The following FOXP1 variants were observed in gnomAD, a reference collection of about 807,000 sequenced individuals.
FOXP1 encodes the protein forkhead box protein P1.
Under a neutral mutation model 98.2 loss-of-function variants are expected in FOXP1, and 15 were observed. The observed-to-expected ratio is 0.15, with a 90% CI of 0.10 to 0.24. FOXP1 has a LOEUF of 0.24. FOXP1 is among the 10% of genes least tolerant of loss of function. The probability of loss-of-function intolerance (pLI) is 1.00; values close to 1 mark genes in which losing one functional copy is unlikely to be tolerated. For missense variants in FOXP1, 633 were observed against 848.5 expected (o/e 0.75, Z 3.15); for synonymous variants, 371 against 314.5 (o/e 1.18, Z -1.90).
At chr3:71,571,049 T>A (rs1048986666) in intron 2 of FOXP1, 1 of 152,248 alleles carries the variant, frequency 6.6e-6, no homozygotes, top group Non-Finnish European at 1.5e-5. Context: ...TGCTAATTAT[T>A]CTTTTATTTT....
intron 3 of FOXP1, among the ~76,000 whole-genome samples, chr3:71,457,414 C>G (rs1474362383): frequency 6.6e-6 from 1 of 152,184 alleles, no homozygotes; most frequent in Non-Finnish European, 1.5e-5. Context: ...AACAAATCCT[C>G]TCTTTCTGCC....
Position 71,053,652 on chromosome 3 carries a change from G to A in FOXP1, c.404C>T (p.Ala135Val), listed in dbSNP as rs1442509485. The part of the protein sequence containing the change: ...QLQVLLQQQQ[A>V]LMLQQQQLQE... ...GACAATTACCTGTTGAAGCATGAGG[G>A]CCTGCTGCTGCTGGAGGAGAACCTG... is the stretch of plus-strand genomic sequence containing the variant. The change falls in exon 8 of 21, where the codon GCC becomes GTC. Residue 135 changes from alanine (A) to valine (V), a missense_variant. This residue lies in a region of FOXP1 where 210 missense variants were observed against 270.6 expected (regional missense o/e 0.78). Transcript: ENST00000649528. 1 of 1,614,100 alleles carries A rather than the reference G, an allele frequency of 6.2e-7. No homozygotes were observed. The highest frequency in any genetic ancestry group is 8.5e-7 in the Non-Finnish European group (1 of 1,180,004).
intron 5 of FOXP1, among the ~76,000 whole-genome samples, chr3:71,284,193 G>A (rs2071862403): frequency 1.3e-5 from 2 of 152,144 alleles, no homozygotes; most frequent in South Asian, 4.1e-4. Flanking sequence ...CAAGACACAT[G>A]GAGAACTTGT....
intron 7 of FOXP1, among the ~76,000 whole-genome samples, chr3:71,087,194 C>T (rs1480475319): frequency 6.6e-6 from 1 of 152,188 alleles, no homozygotes; most frequent in African/African-American, 2.4e-5. Context: ...AAGAGGTGAG[C>T]TGCACAACTG....
At chr3:70,981,380 A>G (rs2038834805) in intron 14 of FOXP1, among the ~76,000 whole-genome samples, 1 of 152,102 alleles carries the variant, frequency 6.6e-6, no homozygotes, top group South Asian at 2.1e-4. Context: ...TGACACCGTG[A>G]TTCACACCCA....
chr3:71,023,269 T>G (rs1445163173), intron 11 of FOXP1, among the ~76,000 whole-genome samples: 2 of 152,230 alleles, frequency 1.3e-5, no homozygotes, highest in Admixed American at 1.3e-4. Flanking sequence ...CATGTCCATG[T>G]GCACAACTTT....
chr3:71,244,258 A>T (rs748694651), intron 5 of FOXP1, among the ~76,000 whole-genome samples: 5 of 152,180 alleles, frequency 3.3e-5, no homozygotes, highest in Non-Finnish European at 7.3e-5. Context: ...TTGCATAAAA[A>T]TAAACTCCAC....
intron 9 of FOXP1, among the ~76,000 whole-genome samples, chr3:71,048,397 G>A (rs2049336951): frequency 1.3e-5 from 2 of 152,062 alleles, no homozygotes; most frequent in African/African-American, 4.8e-5. Flanking sequence ...AGAGAAAAAT[G>A]GTGGTTTCCT....
At chr3:71,373,197 T>C (rs372249602) in intron 3 of FOXP1, among the ~76,000 whole-genome samples, 1 of 152,194 alleles carries the variant, frequency 6.6e-6, no homozygotes. Flanking sequence ...ATTATGTCAT[T>C]GTGTATATTC....
At chr3:70,959,635 A>T (rs1210436829) in intron 20 of FOXP1, among the ~76,000 whole-genome samples, 13 of 152,166 alleles carry the variant, frequency 8.5e-5, no homozygotes, top group Admixed American at 8.5e-4. Flanking sequence ...CTAGCGGTTA[A>T]TTCTGGCCAG....
intron 2 of FOXP1, among the ~76,000 whole-genome samples, chr3:71,558,614 C>A (rs995497579): frequency 5.9e-5 from 9 of 151,750 alleles, no homozygotes; most frequent in African/African-American, 2.2e-4. Flanking sequence ...CCTGCCTCAG[C>A]CTCACAAGTA....
At chr3:71,387,858 T>C (rs1007640194) in intron 3 of FOXP1, among the ~76,000 whole-genome samples, 4 of 152,214 alleles carry the variant, frequency 2.6e-5, no homozygotes, top group African/African-American at 7.2e-5. Flanking sequence ...TCTCTGTTAT[T>C]GAAAAAAAGT....
chr3:71,230,330 C>G (rs968106517), intron 5 of FOXP1, among the ~76,000 whole-genome samples: 1 of 152,162 alleles, frequency 6.6e-6, no homozygotes, highest in Non-Finnish European at 1.5e-5. Context: ...GCATGTGGTG[C>G]TCCTGACTTC....
chr3:71,583,807 T>TGGCGGC (rs535627863), upstream of FOXP1: 35 of 986,568 alleles, frequency 3.5e-5, no homozygotes, highest in African/African-American at 1.4e-4. Context: ...CCAGCGCCGG[T>TGGCGGC]GGCGGCGGCG....
At chr3:71,427,674 G>C (rs6549389) in intron 3 of FOXP1, among the ~76,000 whole-genome samples, 97,938 of 152,080 alleles carry the variant, frequency 0.64, 32,902 homozygotes, top group Non-Finnish European at 0.73. Flanking sequence ...AGATGCTCAG[G>C]AAGGAGAATG....
intron 3 of FOXP1, among the ~76,000 whole-genome samples, chr3:71,386,402 A>G (rs2080575075): frequency 6.6e-6 from 1 of 152,148 alleles, no homozygotes; most frequent in Admixed American, 6.5e-5. Flanking sequence ...GTAAGATCAC[A>G]TGACTTTTCC....
chr3:71,112,845 T>G (rs1459209290), intron 6 of FOXP1, among the ~76,000 whole-genome samples: 4 of 152,162 alleles, frequency 2.6e-5, no homozygotes, highest in Non-Finnish European at 5.9e-5. Flanking sequence ...GCCAGTTTCA[T>G]CCACGGTTCC....
chr3:71,338,552 C>T (rs1351596972), intron 4 of FOXP1, among the ~76,000 whole-genome samples: 1 of 152,140 alleles, frequency 6.6e-6, no homozygotes, highest in African/African-American at 2.4e-5. Context: ...CCCAGCCTCC[C>T]AAGTAGCTGG....
At chr3:71,421,204 C>T (rs143390010) in intron 3 of FOXP1, among the ~76,000 whole-genome samples, 1 of 152,032 alleles carries the variant, frequency 6.6e-6, no homozygotes, top group East Asian at 1.9e-4. Flanking sequence ...TTGGGAAAAA[C>T]CAAGTAAGAA....
Sources: allele counts gnomAD v4.1 joint callset (sites outside exome capture counted in the v4.1 genomes callset), GRCh38; gene constraint gnomAD v4.1.1; regional missense constraint gnomAD v4.1.1; transcripts MANE v1.5; gene names NCBI Gene and HGNC (gene_info 2026-07-23, HGNC 2026-07-21).